ABLIM1: variants seen among roughly 807,000 people sequenced by gnomAD.
ABLIM1 encodes the protein actin binding LIM protein 1.
In ABLIM1, 40 loss-of-function variants were observed where a neutral mutation model predicts 107.0. That is an observed-to-expected ratio of 0.37 (90% CI 0.29 to 0.49). The LOEUF (loss-of-function observed/expected upper bound fraction) is 0.49, where lower values mean the gene tolerates loss of function less well. Ranked by LOEUF, ABLIM1 falls within the 20% of genes least tolerant of loss-of-function variation. The pLI is 0.97. For synonymous variants in ABLIM1, 357 were observed against 357.3 expected, an observed-to-expected ratio of 1.00 and a Z score of 0.01; for missense variants, 857 against 1,008.5, an observed-to-expected ratio of 0.85 and a Z score of 2.04.
chr10:114,645,434 TA>T (rs1053523912), intron 1 of ABLIM1, among the ~76,000 whole-genome samples: 1 of 152,138 alleles, frequency 6.6e-6, no homozygotes, highest in African/African-American at 2.4e-5. Context: ...CCAAATAAAT[TA>T]CTTGCTTTTA....
At chr10:114,749,106 C>A (rs902518328) in intron 1 of ABLIM1, among the ~76,000 whole-genome samples, 9 of 152,114 alleles carry the variant, frequency 5.9e-5, no homozygotes, top group Non-Finnish European at 1.0e-4. Context: ...AAAATTCATG[C>A]GTATACTGAA....
rs1004826318 is a variant in ABLIM1 at position 114,431,643 on chromosome 10, T to G, written c.*4617A>C. 6.6e-6 allele frequency: 1 copy of G among 152,178 alleles called. No homozygotes were observed. Among genetic ancestry groups the G allele is most frequent in the Non-Finnish European group, 1.5e-5 (1 of 68,040 alleles). 9.4% of individuals were successfully genotyped at this position (152,178 alleles called of 1,614,324 possible). On this transcript the variant is annotated 3_prime_UTR_variant, in exon 23 of 23. Transcript: ENST00000533213. ...GCTCACATCTTTCTGAATGTCAAGG[T>G]CTACAGGATTGTCTCTGTCCACCTT...
chr10:114,556,368 C>T (rs1223238776), intron 4 of ABLIM1, among the ~76,000 whole-genome samples: 1 of 152,200 alleles, frequency 6.6e-6, no homozygotes, highest in Non-Finnish European at 1.5e-5. Flanking sequence ...ACGGGAATCA[C>T]TGTTTAGAGA....
chr10:114,696,050 T>C (rs2081187866), intron 1 of ABLIM1, among the ~76,000 whole-genome samples: 1 of 152,180 alleles, frequency 6.6e-6, no homozygotes, highest in Non-Finnish European at 1.5e-5. Context: ...AAGTTTGATA[T>C]CCAAATAGTT....
chr10:114,546,219 G>A (rs1019972206), intron 5 of ABLIM1, among the ~76,000 whole-genome samples: 1 of 151,860 alleles, frequency 6.6e-6, no homozygotes, highest in East Asian at 1.9e-4. Context: ...AGCTTGCAAT[G>A]TTCCGTTAGA....
intron 1 of ABLIM1, among the ~76,000 whole-genome samples, chr10:114,758,696 T>C (rs1205081133): frequency 2.0e-5 from 3 of 152,202 alleles, no homozygotes; most frequent in Non-Finnish European, 4.4e-5. Context: ...TCTGGTGGCT[T>C]CCCTGTGGTG....
chr10:114,674,180 C>T (rs1591798782), intron 1 of ABLIM1, among the ~76,000 whole-genome samples: 1 of 151,494 alleles, frequency 6.6e-6, no homozygotes, highest in Non-Finnish European at 1.5e-5. Flanking sequence ...GTCCCAGCTA[C>T]TCAGGAGGCT....
chr10:114,753,175 T>C (rs915118534), intron 1 of ABLIM1, among the ~76,000 whole-genome samples: 1 of 152,146 alleles, frequency 6.6e-6, no homozygotes, highest in African/African-American at 2.4e-5. Context: ...GAATCATCTA[T>C]AATATTTTAT....
At chr10:114,717,373 C>G (rs916221643) in intron 1 of ABLIM1, among the ~76,000 whole-genome samples, 1 of 152,162 alleles carries the variant, frequency 6.6e-6, no homozygotes, top group Non-Finnish European at 1.5e-5. Context: ...AGGGAGAACA[C>G]TGGACTAACC....
At position 114,546,094 on chromosome 10, in the gene ABLIM1, T is replaced by G. The variant is rs2067308291; in HGVS notation, c.801-996A>C. On this transcript the variant is annotated intron_variant, in intron 5 of 22. Coordinates refer to ENST00000533213, the MANE Select transcript of ABLIM1 (RefSeq NM_002313.7). ...GAGGCCTCCGGAGCCCAGGGCCGCCTCCTTCAGCTCAGTCAACCTCCTTGG... is the reference window on the plus strand; with the variant it reads ...GAGGCCTCCGGAGCCCAGGGCCGCCGCCTTCAGCTCAGTCAACCTCCTTGG... Among the ~76,000 whole-genome samples the G allele has an allele frequency of 2.0e-5, 3 of 151,910 alleles. No homozygotes were observed. In the South Asian group the frequency reaches 6.2e-4, roughly 32 times the overall value.
chr10:114,762,128 G>T (rs1195125048), intron 1 of ABLIM1, among the ~76,000 whole-genome samples: 2 of 152,000 alleles, frequency 1.3e-5, no homozygotes, highest in African/African-American at 4.8e-5. Context: ...CACCTCCCAG[G>T]TTCACACCAT....
intron 14 of ABLIM1, among the ~76,000 whole-genome samples, chr10:114,451,081 G>A (rs1042962362): frequency 3.3e-5 from 5 of 152,114 alleles, no homozygotes; most frequent in African/African-American, 7.2e-5. Context: ...GAGAAATGAC[G>A]TCACAGAGCC....
intron 8 of ABLIM1, among the ~76,000 whole-genome samples, chr10:114,483,767 C>CA (rs1414671457): frequency 2.0e-5 from 3 of 152,254 alleles, no homozygotes; most frequent in Non-Finnish European, 4.4e-5. Flanking sequence ...TACAGGCACA[C>CA]AGCCCAGCCA....
chr10:114,539,081 G>A (rs1439501480), intron 6 of ABLIM1, among the ~76,000 whole-genome samples: 1 of 152,232 alleles, frequency 6.6e-6, no homozygotes, highest in African/African-American at 2.4e-5. Flanking sequence ...TATGGGGCTG[G>A]GCGCAGTGGC....
chr10:114,540,651 C>A (rs999995597), intron 6 of ABLIM1, among the ~76,000 whole-genome samples: 47 of 152,178 alleles, frequency 3.1e-4, no homozygotes, highest in African/African-American at 1.1e-3. Context: ...AGACCTGGAG[C>A]GTCTCTTCTC....
the ABLIM1 span, among the ~76,000 whole-genome samples, chr10:114,793,585 G>A: frequency 1.9e-4 from 29 of 152,298 alleles, no homozygotes; most frequent in Non-Finnish European, 3.1e-4. Context: ...AGTGGCCCCA[G>A]CTCCTGCACC....
At chr10:114,743,914 T>C (rs1778504144) in intron 1 of ABLIM1, among the ~76,000 whole-genome samples, 3 of 152,060 alleles carry the variant, frequency 2.0e-5, no homozygotes, top group Admixed American at 2.0e-4. Flanking sequence ...ATACAAAACA[T>C]AAAGCACACG....
chr10:114,513,840 C>T (rs1201882465), intron 6 of ABLIM1, among the ~76,000 whole-genome samples: 2 of 152,174 alleles, frequency 1.3e-5, no homozygotes, highest in Non-Finnish European at 1.5e-5. Context: ...GGATTTAGTG[C>T]CCCTGCAAAT....
intron 4 of ABLIM1, among the ~76,000 whole-genome samples, chr10:114,555,911 C>T (rs532604902): frequency 1.3e-5 from 2 of 151,802 alleles, no homozygotes; most frequent in Non-Finnish European, 2.9e-5. Flanking sequence ...AAGTTCCTGG[C>T]TATACACATG....
Sources: gnomAD v4.1 joint callset for allele counts (sites outside exome capture counted in the v4.1 genomes callset) on GRCh38, gnomAD v4.1.1 for gene constraint, MANE v1.5 for transcripts, NCBI Gene and HGNC (gene_info 2026-07-23, HGNC 2026-07-21) for gene names.